The following OR1J2 variants were observed in gnomAD, a reference collection of about 807,000 sequenced individuals.
OR1J2 encodes the protein olfactory receptor 1J2.
For missense variants in OR1J2, 304 were observed against 246.1 expected (o/e 1.24, Z -1.57); for synonymous variants, 142 against 99.7 (o/e 1.42, Z -2.52).
At chr9:122,492,170 C>G in the OR1J2 span, among the ~76,000 whole-genome samples, 1 of 151,992 alleles carries the variant, frequency 6.6e-6, no homozygotes, top group African/African-American at 2.4e-5. Context: ...CCTTCTTTAA[C>G]AGTTCCCAGT....
the OR1J2 span, among the ~76,000 whole-genome samples, chr9:122,546,099 C>A: frequency 6.6e-6 from 1 of 152,130 alleles, no homozygotes; most frequent in Non-Finnish European, 1.5e-5. Flanking sequence ...ACACAGGGAA[C>A]TGCATCTGAG....
the OR1J2 span, chr9:122,477,451 T>C: frequency 6.2e-7 from 1 of 1,613,948 alleles, no homozygotes; most frequent in Non-Finnish European, 8.5e-7. Flanking sequence ...GAGGAGGGTA[T>C]GCAAAAGAGC....
At chr9:122,537,726 C>T in the OR1J2 span, among the ~76,000 whole-genome samples, 108 of 152,142 alleles carry the variant, frequency 7.1e-4, no homozygotes, top group Middle Eastern at 0.01. Context: ...ATTTCCTGGG[C>T]TGGCATCTGA....
the OR1J2 span, among the ~76,000 whole-genome samples, chr9:122,447,943 C>T: frequency 6.6e-6 from 1 of 152,056 alleles, no homozygotes; most frequent in Non-Finnish European, 1.5e-5. Flanking sequence ...GGGAGCCAGC[C>T]CCTGCACACC....
the OR1J2 span, among the ~76,000 whole-genome samples, chr9:122,485,779 T>C: frequency 2.0e-5 from 3 of 152,150 alleles, no homozygotes; most frequent in Admixed American, 6.5e-5. Flanking sequence ...AGGTTGGAGA[T>C]TACAGGCAGA....
the OR1J2 span, among the ~76,000 whole-genome samples, chr9:122,532,648 T>C: frequency 6.7e-6 from 1 of 150,342 alleles, no homozygotes. Context: ...TTGGAAATTA[T>C]GAGAGCTGTA....
At chr9:122,550,039 C>G in the OR1J2 span, among the ~76,000 whole-genome samples, 28,616 of 149,386 alleles carry the variant, frequency 0.19, 2,978 homozygotes, top group East Asian at 0.34. Context: ...TTTCTTTCTT[C>G]AGTGTTTTGT....
chr9:122,579,746 T>C, the OR1J2 span, among the ~76,000 whole-genome samples: 1 of 152,168 alleles, frequency 6.6e-6, no homozygotes, highest in Admixed American at 6.6e-5. Context: ...TAGTCAAGAT[T>C]TGTGTAGGGA....
At chr9:122,545,814 T>C in the OR1J2 span, among the ~76,000 whole-genome samples, 3 of 152,154 alleles carry the variant, frequency 2.0e-5, no homozygotes, top group Non-Finnish European at 4.4e-5. Flanking sequence ...GTCACTACTA[T>C]TTGTAAAATA....
chr9:122,504,787 T>G, the OR1J2 span, among the ~76,000 whole-genome samples: 1 of 152,132 alleles, frequency 6.6e-6, no homozygotes. Flanking sequence ...CTGCTTGCTT[T>G]CATAGCTTCC....
At chr9:122,553,191 A>G in the OR1J2 span, 1 of 1,611,256 alleles carries the variant, frequency 6.2e-7, no homozygotes. Context: ...TTATCTGCGC[A>G]GATCACACGA....
chr9:122,477,877 A>T, the OR1J2 span: 2 of 1,611,688 alleles, frequency 1.2e-6, no homozygotes, highest in South Asian at 2.2e-5. Context: ...CCGGATGGGG[A>T]GGCCCAGGAG....
upstream of OR1J2, among the ~76,000 whole-genome samples, chr9:122,506,222 G>A (rs1236052482): frequency 6.6e-6 from 1 of 152,074 alleles, no homozygotes; most frequent in African/African-American, 2.4e-5. Context: ...GAAAAACAGA[G>A]GGTAGAACAG....
the OR1J2 span, chr9:122,554,129 AC>A: frequency 6.2e-7 from 1 of 1,612,262 alleles, no homozygotes; most frequent in Non-Finnish European, 8.5e-7. Context: ...CTTTGGGTAA[AC>A]TTTTTGTCAG....
At chr9:122,572,905 T>A in the OR1J2 span, 1 of 152,250 alleles carries the variant, frequency 6.6e-6, no homozygotes, top group Non-Finnish European at 1.5e-5. Context: ...TCTGAACTTC[T>A]GGACTAATTA....
rs1342644800 is a variant in OR1J2, at chr9:122,511,049, T to TG, written c.250dup (p.Asp84GlyfsTer5). 1 of 1,468,226 alleles carries TG rather than the reference T, an allele frequency of 6.8e-7. No individual in the cohort carries two copies. The highest frequency in any genetic ancestry group is 1.7e-5 in the Admixed American group (1 of 58,764). The allele number at this position is 1,468,226 out of a possible 1,614,324, so 90.9% of individuals were successfully genotyped here. On this transcript the variant is annotated frameshift_variant, in exon 1 of 1. Coordinates refer to ENST00000335302, the MANE Select transcript of OR1J2 (RefSeq NM_054107.1). LOFTEE classifies it low-confidence loss of function (END_TRUNC). ...TCTGTCACTGTCCCTAAGATGCTGATGGACATGCGGACTAAGTACAAATCG... is the reference window on the plus strand; with the variant it reads ...TCTGTCACTGTCCCTAAGATGCTGATGGGACATGCGGACTAAGTACAAATCG...
the OR1J2 span, among the ~76,000 whole-genome samples, chr9:122,552,179 G>T: frequency 6.6e-6 from 1 of 150,856 alleles, no homozygotes; most frequent in Non-Finnish European, 1.5e-5. Flanking sequence ...AAGGTCAGAA[G>T]CTTCTCTATG....
the OR1J2 span, among the ~76,000 whole-genome samples, chr9:122,556,508 G>C: frequency 6.6e-6 from 1 of 151,926 alleles, no homozygotes; most frequent in Non-Finnish European, 1.5e-5. Context: ...TGTCCACCGG[G>C]GCCTGTTGGG....
chr9:122,553,725 T>C, the OR1J2 span: 5 of 1,613,940 alleles, frequency 3.1e-6, no homozygotes, highest in Non-Finnish European at 4.2e-6. Flanking sequence ...CGTGGCTTTC[T>C]GTGCCCAGAA....
Sources: gnomAD v4.1 joint callset for allele counts (sites outside exome capture counted in the v4.1 genomes callset) on GRCh38, gnomAD v4.1.1 for gene constraint, MANE v1.5 for transcripts, NCBI Gene and HGNC (gene_info 2026-07-23, HGNC 2026-07-21) for gene names.